MDGA1: variants seen among roughly 807,000 people sequenced by gnomAD.
MDGA1 encodes the protein MAM domain containing glycosylphosphatidylinositol anchor 1.
MDGA1 carries 54 observed loss-of-function variants against 101.5 expected under a neutral mutation model. The ratio of observed to expected loss-of-function variants is 0.53; its 90% CI spans 0.43 to 0.67. The LOEUF (loss-of-function observed/expected upper bound fraction) is 0.67. MDGA1 is among the 30% of genes least tolerant of loss of function. The probability of loss-of-function intolerance (pLI) is 0.00; values close to 1 mark genes in which losing one functional copy is unlikely to be tolerated. For synonymous variants in MDGA1, 533 were observed against 558.3 expected (o/e 0.95, Z 0.64); for missense variants, 1,083 against 1,323.8 (o/e 0.82, Z 2.82).
chr6:37,643,039 T>A (rs901690724), intron 14 of MDGA1, among the ~76,000 whole-genome samples: 1 of 152,294 alleles, frequency 6.6e-6, no homozygotes, highest in Non-Finnish European at 1.5e-5. Context: ...TCCGATCTCA[T>A]GTTTAGGGCT....
chr6:37,686,633 C>G (rs1381062628), intron 1 of MDGA1, among the ~76,000 whole-genome samples: 1 of 151,978 alleles, frequency 6.6e-6, no homozygotes, highest in Non-Finnish European at 1.5e-5. Flanking sequence ...CACCATGTTG[C>G]CCAGGCTGGT....
Position 37,667,590 on chromosome 6 carries a change from G to A in MDGA1, c.68-3484C>T, listed in dbSNP as rs118139955. On this transcript the variant is annotated intron_variant, in intron 1 of 16. Coordinates refer to ENST00000434837, the MANE Select transcript of MDGA1 (RefSeq NM_153487.4). Reference sequence around the variant, plus strand: ...ATAGCCATCTGTGGCCAAAGTCCTCGGGAAATCTCATCAAGAAACAACCCA... The same window carrying A: ...ATAGCCATCTGTGGCCAAAGTCCTCAGGAAATCTCATCAAGAAACAACCCA... Among the ~76,000 whole-genome samples the A allele has an allele frequency of 4.7e-4, 71 of 152,248 alleles. No homozygotes were observed. In the East Asian group the frequency reaches 9.7e-3, roughly 21 times the overall value.
In MDGA1 at chr6:37,664,118, G is replaced by A. The variant is rs1331076434; in HGVS notation, c.68-12C>T. ...CGCCTGGGCTGGAGCTGGCAGGAGA[G>A]GATGGAGGAGGAGGTTTAGAGAAGA... On this transcript the variant is annotated splice_polypyrimidine_tract_variant and intron_variant, in intron 1 of 16. Transcript: ENST00000434837. The A allele has an allele frequency of 6.2e-7, 1 of 1,613,772 alleles. No homozygotes were observed. The highest frequency in any genetic ancestry group is 8.5e-7 in the Non-Finnish European group (1 of 1,179,852).
chr6:37,668,065 A>G (rs1405672322), intron 1 of MDGA1, among the ~76,000 whole-genome samples: 1 of 152,182 alleles, frequency 6.6e-6, no homozygotes, highest in Non-Finnish European at 1.5e-5. Flanking sequence ...AGCCTGGGCA[A>G]CATAGTGAGG....
At chr6:37,671,816 G>A (rs1761874772) in intron 1 of MDGA1, among the ~76,000 whole-genome samples, 1 of 152,146 alleles carries the variant, frequency 6.6e-6, no homozygotes, top group Admixed American at 6.5e-5. Flanking sequence ...ACAACACTAG[G>A]GTGAGGGCCA....
Position 37,652,475 on chromosome 6 carries a change from G to A in MDGA1, c.983-135C>T. 1 of 621,800 alleles carries A rather than the reference G, an allele frequency of 1.6e-6. No individual in the cohort carries two copies. Among genetic ancestry groups the A allele is most frequent in the African/African-American group, 1.8e-5 (1 of 54,352 alleles). The allele number at this position is 621,800 out of a possible 1,614,324, so 38.5% of individuals were successfully genotyped here. Reference sequence around the variant, plus strand: ...ATAGGGGGCTACAACTCCCCCAGGTGAAACTATCACTTTTCTCTGCCTGGG... The same window carrying A: ...ATAGGGGGCTACAACTCCCCCAGGTAAAACTATCACTTTTCTCTGCCTGGG... On this transcript the variant is annotated intron_variant, in intron 6 of 16. Coordinates refer to ENST00000434837, the MANE Select transcript of MDGA1 (RefSeq NM_153487.4). The surrounding 1 kb of genome is among the most constrained non-coding windows in gnomAD (Gnocchi z 4.3).
chr6:37,649,376 G>GA, intron 8 of MDGA1, 110 bp from the exon 9 acceptor site: 2 of 1,386,944 alleles, frequency 1.4e-6, no homozygotes, highest in Non-Finnish European at 1.9e-6. Flanking sequence ...CCCCCGCCAG[G>GA]AAAAATCCCA....
intron 1 of MDGA1, among the ~76,000 whole-genome samples, chr6:37,681,935 C>T (rs989713): frequency 0.84 from 127,592 of 152,260 alleles, 53,799 homozygotes; most frequent in African/African-American, 0.93. Flanking sequence ...TAGCAAGCTC[C>T]TCCTAGTATC....
chr6:37,646,923 G>C (rs1455484650), intron 10 of MDGA1, among the ~76,000 whole-genome samples: 2 of 152,156 alleles, frequency 1.3e-5, no homozygotes, highest in Non-Finnish European at 2.9e-5. Flanking sequence ...CACGAACCCA[G>C]CAGACCCTTG....
chr6:37,675,823 C>A (rs1761967019), intron 1 of MDGA1, among the ~76,000 whole-genome samples: 1 of 152,170 alleles, frequency 6.6e-6, no homozygotes, highest in Non-Finnish European at 1.5e-5. Context: ...GTCTTGGAGA[C>A]CCCATCACTG....
chr6:37,652,709 TTAAG>T lies in MDGA1; in HGVS notation c.983-373_983-370del, dbSNP rs1055281576. ...AGAAGGGAACTGAGGCTCAGACAGCTTAAGTAACTTGCCCAAAAAAGTAGCCAAT... is the reference window on the plus strand; with the variant it reads ...AGAAGGGAACTGAGGCTCAGACAGCTTAACTTGCCCAAAAAAGTAGCCAAT... On this transcript the variant is annotated intron_variant, in intron 6 of 16. Coordinates refer to ENST00000434837, the MANE Select transcript of MDGA1 (RefSeq NM_153487.4). This position sits in a 1 kb window ranked among gnomAD's most constrained non-coding sequence, Gnocchi z 4.3. Among the ~76,000 whole-genome samples, 7 of 152,344 alleles carry T rather than the reference TTAAG, an allele frequency of 4.6e-5. No homozygotes were observed. Among genetic ancestry groups the T allele is most frequent in the African/African-American group, 1.7e-4 (7 of 41,564 alleles).
intron 7 of MDGA1, among the ~76,000 whole-genome samples, chr6:37,650,704 A>T (rs1761341414): frequency 6.6e-6 from 1 of 152,176 alleles, no homozygotes. Context: ...AAACATTTCT[A>T]AATATATCCA....
Position 37,637,431 on chromosome 6 carries a change from G to A in MDGA1, c.2805C>T (p.Pro935=). 6.2e-7 allele frequency: 1 copy of A among 1,613,458 alleles called. No individual in the cohort carries two copies. ...CCCACAGCTGTGGGCTGGACTGGCA[G>A]GGGGCTCCACTGCCCGGCATCACCA... The part of the protein sequence containing the change: ...KVVVMPGSGA[P]CQSSPQLWGP... Residue 935 remains proline, a synonymous_variant, in exon 17 of 17, where the codon CCC becomes CCT. Coordinates refer to ENST00000434837, the MANE Select transcript of MDGA1 (RefSeq NM_153487.4).
chr6:37,650,429 G>T lies in MDGA1; in HGVS notation c.1313-24C>A, dbSNP rs911413697. 4.0e-6 allele frequency: 6 copies of T among 1,497,506 alleles called. No homozygotes were observed. The African/African-American group carries it at 6.9e-5, about 17-fold the overall frequency. The allele number at this position is 1,497,506 out of a possible 1,614,324, so 92.8% of individuals were successfully genotyped here. A position where few individuals can be genotyped will look rare whatever the true frequency, so the allele number is the denominator to read the frequency against. ...CACTGTGGGGGTGATGGTGATCAGC[G>T]GAGAGGTAGGAGCGGAGTTAGAGCT... On this transcript the variant is annotated intron_variant, in intron 7 of 16. Transcript: ENST00000434837.
rs903719613 is a variant in MDGA1, at chr6:37,697,020, G to T, written c.-209C>A. 9.3e-6 allele frequency: 5 copies of T among 540,344 alleles called. No homozygotes were observed. Among genetic ancestry groups the T allele is most frequent in the Non-Finnish European group, 1.3e-5 (4 of 305,776 alleles). The allele number at this position is 540,344 out of a possible 1,614,324, so 33.5% of individuals were successfully genotyped here. On this transcript the variant is annotated 5_prime_UTR_variant, in exon 1 of 17. Transcript: ENST00000434837. ...GCGGGGCCGCTGCCCGCGTGGGGAC[G>T]CAGGGGGCGCTGGCCCAGCCCCGGG... is the stretch of plus-strand genomic sequence containing the variant.
chr6:37,642,999 T>C (rs1409064471), intron 14 of MDGA1, among the ~76,000 whole-genome samples: 2 of 152,212 alleles, frequency 1.3e-5, no homozygotes, highest in African/African-American at 4.8e-5. Context: ...GAAGCAGGAC[T>C]TCCTCTCACT....
rs1763891510 is a variant in MDGA1, at chr6:37,634,883, G to C, written c.*2485C>G. 6.6e-6 allele frequency: 1 copy of C among 152,292 alleles called. No individual in the cohort carries two copies. The highest frequency in any genetic ancestry group is 1.5e-5 in the Non-Finnish European group (1 of 68,090). 9.4% of individuals were successfully genotyped at this position (152,292 alleles called of 1,614,324 possible). On this transcript the variant is annotated 3_prime_UTR_variant, in exon 17 of 17. Coordinates refer to ENST00000434837, the MANE Select transcript of MDGA1 (RefSeq NM_153487.4). The surrounding 1 kb of genome is among the most constrained non-coding windows in gnomAD (Gnocchi z 4.7). ...CTGTCCACTCTATGGATCCTGAGGGGAACAAGGGAGACAAGTCTCCCCTGT... is the reference window on the plus strand; with the variant it reads ...CTGTCCACTCTATGGATCCTGAGGGCAACAAGGGAGACAAGTCTCCCCTGT...
chr6:37,696,898 A>G lies in MDGA1; in HGVS notation c.-87T>C. 1 of 1,077,674 alleles carries G rather than the reference A, an allele frequency of 9.3e-7. No homozygotes were observed. The highest frequency in any genetic ancestry group is 2.0e-5 in the Admixed American group (1 of 50,060). The allele number at this position is 1,077,674 out of a possible 1,614,324, so 66.8% of individuals were successfully genotyped here. A position where few individuals can be genotyped will look rare whatever the true frequency, so the allele number is the denominator to read the frequency against. The stretch of plus-strand genomic sequence containing the variant: ...TTCGCCGGGGCCCCGCGACGCCCCT[A>G]TGTCCCCCCCTTTCCCTGAGAGGTG... On this transcript the variant is annotated 5_prime_UTR_variant, in exon 1 of 17. Transcript: ENST00000434837. The surrounding 1 kb of genome is among the most constrained non-coding windows in gnomAD (Gnocchi z 5.6).
rs1397437593 is a variant in MDGA1 at position 37,633,421 on chromosome 6, G to C, written c.*3947C>G. On this transcript the variant is annotated 3_prime_UTR_variant, in exon 17 of 17. Transcript: ENST00000434837. ...GCTGCCCAGCGAGAAAAAACACAAG[G>C]ATTCTGCACGCCCCATCCGTGACCC... The C allele has an allele frequency of 6.6e-6, 1 of 152,244 alleles. No individual in the cohort carries two copies. The highest frequency in any genetic ancestry group is 1.9e-4 in the East Asian group (1 of 5,184). The allele number at this position is 152,244 out of a possible 1,614,324, so 9.4% of individuals were successfully genotyped here.
Sources: gnomAD v4.1 joint callset for allele counts (sites outside exome capture counted in the v4.1 genomes callset) on GRCh38, gnomAD v4.1.1 for gene constraint, Gnocchi (gnomAD v3.1) non-coding constraint, MANE v1.5 for transcripts, NCBI Gene and HGNC (gene_info 2026-07-23, HGNC 2026-07-21) for gene names.